RASA1: variants seen among roughly 807,000 people sequenced by gnomAD.
RASA1 encodes the protein ras GTPase-activating protein 1.
A neutral mutation model predicts 132.2 loss-of-function variants in RASA1; 25 were observed. The ratio of observed to expected loss-of-function variants is 0.19; its 90% CI spans 0.14 to 0.26. The LOEUF (loss-of-function observed/expected upper bound fraction) is 0.26. Among genes scored for constraint, RASA1 ranks in the 10% least tolerant of loss-of-function variants. The probability of loss-of-function intolerance (pLI) is 1.00; values close to 1 mark genes in which losing one functional copy is unlikely to be tolerated. For synonymous variants in RASA1, 477 were observed against 449.9 expected (o/e 1.06, Z -0.76); for missense variants, 964 against 1,299.2 (o/e 0.74, Z 3.97).
rs865846232 is a variant in RASA1, at chr5:87,336,459, T to C, written c.900-1515T>C. ...GGATTTATGAGTCTTTTAAAAAGTTTATACACACCTGTGGATTTTAAAATA... is the reference window on the plus strand; with the variant it reads ...GGATTTATGAGTCTTTTAAAAAGTTCATACACACCTGTGGATTTTAAAATA... On this transcript the variant is annotated intron_variant, in intron 4 of 24. Coordinates refer to ENST00000274376, the MANE Select transcript of RASA1 (RefSeq NM_002890.3). Among the ~76,000 whole-genome samples, 6 of 152,254 alleles carry C rather than the reference T, an allele frequency of 3.9e-5. No individual in the cohort carries two copies. The South Asian group carries it at 1.0e-3, about 26-fold the overall frequency.
chr5:87,297,159 A>G (rs1011797190), intron 1 of RASA1, among the ~76,000 whole-genome samples: 2 of 152,080 alleles, frequency 1.3e-5, no homozygotes, highest in Non-Finnish European at 2.9e-5. Flanking sequence ...TACATTGTCT[A>G]TGTATTTGCA....
At position 87,385,020 on chromosome 5, in the gene RASA1, T is replaced by C. The variant is rs939398086; in HGVS notation, c.2759-281T>C. Among the ~76,000 whole-genome samples the C allele has an allele frequency of 5.3e-5, 8 of 152,068 alleles. No individual in the cohort carries two copies. In the East Asian group the frequency reaches 9.6e-4, roughly 18 times the overall value. ...GGTAAAGCTTTGAGGTCCTTTGAAATAGTATCAACCGTTGGAAACTGCTGA... is the reference window on the plus strand; with the variant it reads ...GGTAAAGCTTTGAGGTCCTTTGAAACAGTATCAACCGTTGGAAACTGCTGA... On this transcript the variant is annotated intron_variant, in intron 21 of 24. Transcript: ENST00000274376.
chr5:87,351,376 T>A (rs1440529905), intron 8 of RASA1, among the ~76,000 whole-genome samples: 1 of 151,712 alleles, frequency 6.6e-6, no homozygotes, highest in Non-Finnish European at 1.5e-5. Context: ...ATTCAGGGGA[T>A]ATATAAATGC....
chr5:87,377,253 A>G (rs1761389716), intron 17 of RASA1: 3 of 610,672 alleles, frequency 4.9e-6, no homozygotes, highest in South Asian at 1.9e-5. Context: ...GTTTTGGCAG[A>G]TAAGTACTAG....
At chr5:87,358,847 C>T (rs900704538) in intron 9 of RASA1, among the ~76,000 whole-genome samples, 1 of 152,160 alleles carries the variant, frequency 6.6e-6, no homozygotes, top group Non-Finnish European at 1.5e-5. Flanking sequence ...AGGATCTTTG[C>T]TGTAGCTGTT....
intron 1 of RASA1, among the ~76,000 whole-genome samples, chr5:87,275,330 G>A (rs538439929): frequency 3.1e-4 from 47 of 152,272 alleles, no homozygotes; most frequent in African/African-American, 1.0e-3. Context: ...ATCTATTGCT[G>A]CATAATAAAG....
intron 9 of RASA1, among the ~76,000 whole-genome samples, chr5:87,355,202 T>A (rs1365775039): frequency 6.6e-6 from 1 of 152,162 alleles, no homozygotes; most frequent in Non-Finnish European, 1.5e-5. Flanking sequence ...AAAACATCCT[T>A]CTATCTGAAA....
At chr5:87,361,033 C>T (rs1760050665) in intron 9 of RASA1, among the ~76,000 whole-genome samples, 1 of 152,160 alleles carries the variant, frequency 6.6e-6, no homozygotes, top group Non-Finnish European at 1.5e-5. Flanking sequence ...CACACATACA[C>T]ACACACCCAG....
chr5:87,346,208 T>G (rs1471425105), intron 6 of RASA1, among the ~76,000 whole-genome samples: 1 of 152,078 alleles, frequency 6.6e-6, no homozygotes, highest in Non-Finnish European at 1.5e-5. Context: ...CACCCAATCT[T>G]ATATTCTGAC....
Position 87,376,379 on chromosome 5 carries a change from T to G in RASA1, c.2012-14T>G. 6.2e-7 allele frequency: 1 copy of G among 1,613,698 alleles called. No homozygotes were observed. Among genetic ancestry groups the G allele is most frequent in the Non-Finnish European group, 8.5e-7 (1 of 1,179,836 alleles). ...TCTCTTTTTAAACAATAATTGCTTGTTTTTCTTCCCAAGTATTTATGCGCT... is the reference window on the plus strand; with the variant it reads ...TCTCTTTTTAAACAATAATTGCTTGGTTTTCTTCCCAAGTATTTATGCGCT... On this transcript the variant is annotated splice_polypyrimidine_tract_variant and intron_variant, in intron 15 of 24. Transcript: ENST00000274376.
intron 1 of RASA1, among the ~76,000 whole-genome samples, chr5:87,277,263 G>A (rs570390881): frequency 2.0e-5 from 3 of 152,170 alleles, no homozygotes; most frequent in Admixed American, 6.5e-5. Context: ...AAAACTTAAC[G>A]TACTTCAGGG....
intron 1 of RASA1, among the ~76,000 whole-genome samples, chr5:87,278,793 A>G (rs1754180665): frequency 2.0e-5 from 3 of 151,882 alleles, no homozygotes; most frequent in Admixed American, 2.0e-4. Flanking sequence ...TTGTATAATC[A>G]TTACCATACT....
At chr5:87,288,065 CATATATATACCATATATACACACACCAT>C (rs1754751282) in intron 1 of RASA1, among the ~76,000 whole-genome samples, 1 of 117,158 alleles carries the variant, frequency 8.5e-6, no homozygotes, top group Non-Finnish European at 1.7e-5. Context: ...ATACACACAC[CATATATATACCATATATACACACACCAT>C]ATATATATAC....
chr5:87,353,163 G>A lies in RASA1; in HGVS notation c.1260G>A (p.Gly420=), dbSNP rs111275546. The A allele has an allele frequency of 1.2e-6, 2 of 1,607,922 alleles. No homozygotes were observed. Among genetic ancestry groups the A allele is most frequent in the Non-Finnish European group, 8.5e-7 (1 of 1,175,102 alleles). ...MMGGRYYNSI[G]DIIDHYRKEQ... ...GAAATTTTTATTTTAACAGCATTGG[G>A]GACATCATAGATCACTATCGAAAAG... Residue 420 remains glycine, a synonymous_variant, in exon 9 of 25, where the codon GGG becomes GGA. Transcript: ENST00000274376.
chr5:87,327,048 C>T (rs1344603231), intron 1 of RASA1, among the ~76,000 whole-genome samples: 1 of 152,120 alleles, frequency 6.6e-6, no homozygotes, highest in Admixed American at 6.5e-5. Flanking sequence ...CTTTGAGTAT[C>T]CTCTACTCCC....
intron 1 of RASA1, among the ~76,000 whole-genome samples, chr5:87,304,454 G>A (rs1755515402): frequency 6.6e-6 from 1 of 151,016 alleles, no homozygotes; most frequent in African/African-American, 2.4e-5. Context: ...TTATTGCTCT[G>A]CATGTTTATT....
At chr5:87,371,005 G>A (rs1336527369) in intron 12 of RASA1, among the ~76,000 whole-genome samples, 2 of 152,062 alleles carry the variant, frequency 1.3e-5, no homozygotes, top group East Asian at 1.9e-4. Flanking sequence ...GAGAAAGGTA[G>A]TGCTCAAAAC....
intron 15 of RASA1, 49 bp downstream of exon 15, chr5:87,374,965 A>G (rs779959700): frequency 3.2e-6 from 5 of 1,564,006 alleles, no homozygotes; most frequent in South Asian, 2.4e-5. Context: ...TGTTTTATAT[A>G]CTTTCAAAAT....
At chr5:87,386,282 A>G (rs1338817172) in intron 22 of RASA1, among the ~76,000 whole-genome samples, 1 of 151,996 alleles carries the variant, frequency 6.6e-6, no homozygotes, top group Non-Finnish European at 1.5e-5. Context: ...CCCTATTTAT[A>G]GCATGGTTTT....
Sources: gnomAD v4.1 joint callset for allele counts (sites outside exome capture counted in the v4.1 genomes callset) on GRCh38, gnomAD v4.1.1 for gene constraint, MANE v1.5 for transcripts, NCBI Gene and HGNC (gene_info 2026-07-23, HGNC 2026-07-21) for gene names.